The following USP43 variants were observed in gnomAD, a reference collection of about 807,000 sequenced individuals.
USP43 encodes the protein ubiquitin specific peptidase 43, also known as ubiquitin carboxyl-terminal hydrolase 43.
Under a neutral mutation model 90.7 loss-of-function variants are expected in USP43, and 33 were observed. That is an observed-to-expected ratio of 0.36 (90% CI 0.28 to 0.49). USP43 has a LOEUF of 0.49. Among genes scored for constraint, USP43 ranks in the 20% least tolerant of loss-of-function variants. The pLI is 0.98. For missense variants in USP43, 1,274 were observed against 1,476.4 expected (o/e 0.86, Z 2.25); for synonymous variants, 598 against 615.8 (o/e 0.97, Z 0.43).
At chr17:9,671,279 A>AGTGTGT (rs61191393) in intron 3 of USP43, among the ~76,000 whole-genome samples, 48 of 149,594 alleles carry the variant, frequency 3.2e-4, no homozygotes, top group African/African-American at 1.2e-3. Context: ...TGGAGGAGGG[A>AGTGTGT]GTGTGTGTGT....
intron 9 of USP43, 122 bp from the exon 10 acceptor site, chr17:9,700,050 C>A: frequency 1.1e-6 from 1 of 926,038 alleles, no homozygotes; most frequent in East Asian, 2.7e-5. Flanking sequence ...GGCTTACTGG[C>A]AGTTTTGGGT....
Position 9,714,069 on chromosome 17 carries a change from A to G in USP43, c.2335+1937A>G, listed in dbSNP as rs371595943. On this transcript the variant is annotated intron_variant, in intron 14 of 14. Coordinates refer to ENST00000285199, the MANE Select transcript of USP43 (RefSeq NM_153210.5). ...ACATCCCTCACGTGCAGAGTTCACA[A>G]TAGGCTTTGTGTTCCTATGAGAATC... is the stretch of plus-strand genomic sequence containing the variant. Among the ~76,000 whole-genome samples the G allele has an allele frequency of 3.3e-5, 5 of 152,308 alleles. 1 individual carries two copies. The highest frequency in any genetic ancestry group is 1.2e-4 in the African/African-American group (5 of 41,568).
At chr17:9,708,843 G>T (rs1475291322) in intron 12 of USP43, among the ~76,000 whole-genome samples, 1 of 152,082 alleles carries the variant, frequency 6.6e-6, no homozygotes. Flanking sequence ...TGGCCAGGTT[G>T]GTCTCGAACT....
At position 9,708,409 on chromosome 17, in the gene USP43, C is replaced by T. The variant is rs556929787; in HGVS notation, c.2012-1547C>T. ...CCAGTTAGGAGGGTGCTTCAGGGGC[C>T]GAGTGAGAGACACCACTGGCTGAGA... On this transcript the variant is annotated intron_variant, in intron 12 of 14. Coordinates refer to ENST00000285199, the MANE Select transcript of USP43 (RefSeq NM_153210.5). Among the ~76,000 whole-genome samples the T allele has an allele frequency of 4.6e-5, 7 of 152,088 alleles. No homozygotes were observed. In the East Asian group the frequency reaches 9.7e-4, roughly 21 times the overall value.
intron 1 of USP43, among the ~76,000 whole-genome samples, chr17:9,651,041 T>A (rs999170758): frequency 6.6e-6 from 1 of 152,164 alleles, no homozygotes; most frequent in Middle Eastern, 3.2e-3. Flanking sequence ...CTTTGCATCC[T>A]AAGAAATAAC....
chr17:9,727,347 A>G (rs1342985986), intron 14 of USP43, among the ~76,000 whole-genome samples: 1 of 152,188 alleles, frequency 6.6e-6, no homozygotes, highest in Non-Finnish European at 1.5e-5. Context: ...CAGCACTGCC[A>G]TGGCCCTATC....
At chr17:9,664,660 C>A (rs570440200) in intron 2 of USP43, among the ~76,000 whole-genome samples, 2 of 138,916 alleles carry the variant, frequency 1.4e-5, no homozygotes, top group Non-Finnish European at 3.1e-5. Context: ...TTTTTTGAGA[C>A]GGAGTCTCGC....
Position 9,727,379 on chromosome 17 carries a change from A to G in USP43, c.2336-575A>G, listed in dbSNP as rs574309193. Among the ~76,000 whole-genome samples the G allele has an allele frequency of 2.6e-5, 4 of 152,098 alleles. No individual in the cohort carries two copies. In the South Asian group the frequency reaches 8.3e-4, roughly 32 times the overall value. On this transcript the variant is annotated intron_variant, in intron 14 of 14. Coordinates refer to ENST00000285199, the MANE Select transcript of USP43 (RefSeq NM_153210.5). ...TATCCACACCTTGTTTTTGGCATCTATTTCTCTATTCTTATTTGTATGTTT... is the reference window on the plus strand; with the variant it reads ...TATCCACACCTTGTTTTTGGCATCTGTTTCTCTATTCTTATTTGTATGTTT...
At chr17:9,727,046 A>AACCTCC (rs1295491352) in intron 14 of USP43, among the ~76,000 whole-genome samples, 1 of 151,564 alleles carries the variant, frequency 6.6e-6, no homozygotes, top group Non-Finnish European at 1.5e-5. Flanking sequence ...AGCTCACTGC[A>AACCTCC]ACCTCCACCT....
At chr17:9,711,799 T>C (rs894319102) in intron 13 of USP43, among the ~76,000 whole-genome samples, 169 bp from the exon 14 acceptor site, 1 of 152,188 alleles carries the variant, frequency 6.6e-6, no homozygotes, top group African/African-American at 2.4e-5. Context: ...GGAAACCCGA[T>C]CACAGGTTTC....
chr17:9,708,133 G>A (rs569708734), intron 12 of USP43, among the ~76,000 whole-genome samples: 1 of 152,200 alleles, frequency 6.6e-6, no homozygotes, highest in Non-Finnish European at 1.5e-5. Context: ...GAAAGCATTC[G>A]GTGTGTTTAA....
At chr17:9,649,464 G>A (rs937822707) in intron 1 of USP43, among the ~76,000 whole-genome samples, 6 of 151,456 alleles carry the variant, frequency 4.0e-5, no homozygotes, top group African/African-American at 1.5e-4. Flanking sequence ...AGCTTCTCTT[G>A]GCCCTGTCAC....
rs994918699 is a variant in USP43 at position 9,713,207 on chromosome 17, G to A, written c.2335+1075G>A. On this transcript the variant is annotated intron_variant, in intron 14 of 14. Coordinates refer to ENST00000285199, the MANE Select transcript of USP43 (RefSeq NM_153210.5). ...GGGTTCGAGCAATACTCCTTCCTCA[G>A]CCTCTAGAGTAGCTGGGATTACAGG... is the stretch of plus-strand genomic sequence containing the variant. 3.3e-5 allele frequency among the ~76,000 whole-genome samples: 5 copies of A among 152,022 alleles called. No individual in the cohort carries two copies. The East Asian group carries it at 9.6e-4, about 29-fold the overall frequency.
At chr17:9,653,358 C>T (rs1357624916) in intron 1 of USP43, among the ~76,000 whole-genome samples, 1 of 119,956 alleles carries the variant, frequency 8.3e-6, no homozygotes, top group African/African-American at 2.8e-5. Flanking sequence ...GAGGCCGAGG[C>T]GGGTGGATCA....
intron 12 of USP43, among the ~76,000 whole-genome samples, chr17:9,703,196 A>G (rs1299651804): frequency 8.0e-5 from 12 of 150,616 alleles, no homozygotes; most frequent in Admixed American, 7.2e-4. Flanking sequence ...TTTTTTTACT[A>G]AGAGCGTTAT....
chr17:9,720,179 A>G (rs781424803), intron 14 of USP43, among the ~76,000 whole-genome samples: 23 of 151,608 alleles, frequency 1.5e-4, no homozygotes, highest in Non-Finnish European at 2.4e-4. Context: ...CGCAAAAATT[A>G]GTTGGGCATG....
At chr17:9,710,407 G>A (rs372866505) in intron 13 of USP43, among the ~76,000 whole-genome samples, 4 of 150,846 alleles carry the variant, frequency 2.7e-5, no homozygotes, top group South Asian at 4.2e-4. Context: ...ATCACAGCAG[G>A]TTTTTTGAGG....
chr17:9,650,989 C>T (rs1239254585), intron 1 of USP43, among the ~76,000 whole-genome samples: 2 of 152,144 alleles, frequency 1.3e-5, no homozygotes, highest in Non-Finnish European at 2.9e-5. Context: ...GTCTCCTACC[C>T]TTCCCCTCGA....
chr17:9,700,257 C>T lies in USP43; in HGVS notation c.1535+8C>T. 6.3e-7 allele frequency: 1 copy of T among 1,588,330 alleles called. No homozygotes were observed. Among genetic ancestry groups the T allele is most frequent in the Non-Finnish European group, 8.6e-7 (1 of 1,167,274 alleles). ...TAGCTCTGTCAAGGAGCGGTGAGTT[C>T]AAGGGAATTTGCCACCTGCAGAGCT... On this transcript the variant is annotated splice_region_variant and intron_variant, in intron 10 of 14. Transcript: ENST00000285199.
Sources: gnomAD v4.1 joint callset for allele counts (sites outside exome capture counted in the v4.1 genomes callset) on GRCh38, gnomAD v4.1.1 for gene constraint, MANE v1.5 for transcripts, NCBI Gene and HGNC (gene_info 2026-07-23, HGNC 2026-07-21) for gene names.